The following NRIP1 variants were observed in gnomAD, a reference collection of about 807,000 sequenced individuals.
NRIP1 encodes nuclear receptor-interacting protein 1.
NRIP1 carries 28 observed loss-of-function variants against 75.0 expected under a neutral mutation model. The ratio of observed to expected loss-of-function variants is 0.37; its 90% CI spans 0.28 to 0.51. The LOEUF (loss-of-function observed/expected upper bound fraction) is 0.51, where lower values mean the gene tolerates loss of function less well. Among genes scored for constraint, NRIP1 ranks in the 20% least tolerant of loss-of-function variants. NRIP1 has a pLI of 0.92. For synonymous variants in NRIP1, 526 were observed against 487.6 expected (o/e 1.08, Z -1.04); for missense variants, 1,435 against 1,343.7 (o/e 1.07, Z -1.06).
chr21:15,041,561 A>G (rs942722657), intron 2 of NRIP1, among the ~76,000 whole-genome samples: 1 of 152,170 alleles, frequency 6.6e-6, no homozygotes, highest in African/African-American at 2.4e-5. Context: ...ACTAATTCCT[A>G]TCTTGAATAT....
At chr21:15,022,114 C>T (rs2088391650) in intron 2 of NRIP1, among the ~76,000 whole-genome samples, 1 of 152,192 alleles carries the variant, frequency 6.6e-6, no homozygotes, top group South Asian at 2.1e-4. Flanking sequence ...CAGCACTATT[C>T]ACAACAGCCA....
chr21:15,034,443 A>C (rs1394199123), intron 2 of NRIP1, among the ~76,000 whole-genome samples: 1 of 152,200 alleles, frequency 6.6e-6, no homozygotes, highest in African/African-American at 2.4e-5. Flanking sequence ...TATGAAACGA[A>C]AAGCAAGTCC....
chr21:14,990,911 T>C (rs189820780), intron 3 of NRIP1, among the ~76,000 whole-genome samples: 6 of 152,134 alleles, frequency 3.9e-5, no homozygotes, highest in Admixed American at 6.5e-5. Flanking sequence ...ATTAGTGAAG[T>C]TGAGTGGGAA....
chr21:14,967,717 T>C lies in NRIP1; in HGVS notation c.476A>G (p.Glu159Gly). The change falls in exon 4 of 4, where the codon GAG becomes GGG. Residue 159 changes from glutamate (E) to glycine (G), a missense_variant. Physicochemically the swap from Glu to Gly is moderately conservative, Grantham distance 98. Coordinates refer to ENST00000318948, the MANE Select transcript of NRIP1 (RefSeq NM_003489.4). ...ATCATGACTGAGGGCATATCCTTGC[T>C]CCTTGAGGCTCTGCCTGATTTGTTG... ...LSQQIRQSLK[E>G]QGYALSHDSL... 4 of 1,614,164 alleles carry C rather than the reference T, an allele frequency of 2.5e-6. No homozygotes were observed. The highest frequency in any genetic ancestry group is 2.5e-6 in the Non-Finnish European group (3 of 1,180,030).
intron 3 of NRIP1, among the ~76,000 whole-genome samples, chr21:14,969,935 T>C (rs1047458722): frequency 2.0e-5 from 3 of 152,218 alleles, no homozygotes; most frequent in Non-Finnish European, 4.4e-5. Flanking sequence ...TTTAAGAAGC[T>C]TTGCCATAAT....
chr21:14,978,784 A>G (rs1488933216), intron 3 of NRIP1, among the ~76,000 whole-genome samples: 1 of 152,228 alleles, frequency 6.6e-6, no homozygotes, highest in African/African-American at 2.4e-5. Flanking sequence ...TCTTAAAAAC[A>G]TTTAATTTTT....
chr21:15,065,281 C>T (rs1300542935), upstream of NRIP1, among the ~76,000 whole-genome samples: 5 of 151,994 alleles, frequency 3.3e-5, no homozygotes, highest in African/African-American at 1.2e-4. Context: ...CTGCAAGACC[C>T]GGAGGCAGCG....
At position 14,996,582 on chromosome 21, in the gene NRIP1, A is replaced by G. The variant is rs76636858; in HGVS notation, c.-335+17762T>C. Among the ~76,000 whole-genome samples, 398 of 152,198 alleles carry G rather than the reference A, an allele frequency of 2.6e-3. 2 individuals carry two copies. Among genetic ancestry groups the G allele is most frequent in the African/African-American group, 9.0e-3 (373 of 41,526 alleles). ...TCACAGTTGTCTTAGGACTTCTCTC[A>G]TTCTGTCATTTTTTGTGCTTGCTTT... On this transcript the variant is annotated intron_variant, in intron 3 of 3. Coordinates refer to ENST00000318948, the MANE Select transcript of NRIP1 (RefSeq NM_003489.4).
Position 14,963,157 on chromosome 21 carries a change from C to A in NRIP1, c.*1559G>T, listed in dbSNP as rs1385033571. On this transcript the variant is annotated 3_prime_UTR_variant, in exon 4 of 4. Transcript: ENST00000318948. The stretch of plus-strand genomic sequence containing the variant: ...GTACAATTCTGTCACGTATATGTGC[C>A]CTTTGTACTTTTTATTTAGTCAATC... 1 of 152,210 alleles carries A rather than the reference C, an allele frequency of 6.6e-6. No homozygotes were observed. Among genetic ancestry groups the A allele is most frequent in the Non-Finnish European group, 1.5e-5 (1 of 67,926 alleles). The allele number at this position is 152,210 out of a possible 1,614,324, so 9.4% of individuals were successfully genotyped here.
At position 14,967,538 on chromosome 21, in the gene NRIP1, G is replaced by A. The variant is rs1240960771; in HGVS notation, c.655C>T (p.Pro219Ser). Residue 219 changes from proline to serine, a missense_variant, in exon 4 of 4, where the codon CCT (proline) becomes TCT (serine). Coordinates refer to ENST00000318948, the MANE Select transcript of NRIP1 (RefSeq NM_003489.4). ...GTTCCACTTTGTCCAACATGATGAG[G>A]AGACTCTGCAAACCTATCTCTGATG... ...NLIRDRFAES[P>S]HHVGQSGTKV... 1.2e-6 allele frequency: 2 copies of A among 1,613,956 alleles called. No homozygotes were observed. Among genetic ancestry groups the A allele is most frequent in the African/African-American group, 2.7e-5 (2 of 74,892 alleles).
intron 3 of NRIP1, among the ~76,000 whole-genome samples, chr21:15,004,441 C>T (rs1262385401): frequency 1.3e-5 from 2 of 152,222 alleles, no homozygotes; most frequent in African/African-American, 4.8e-5. Flanking sequence ...AAATTACTCT[C>T]TTAGATTGTT....
At chr21:15,014,198 A>G (rs2088173587) in intron 3 of NRIP1, 146 bp downstream of exon 3, 1 of 356,778 alleles carries the variant, frequency 2.8e-6, no homozygotes, top group East Asian at 4.1e-5. Context: ...TTTAAACCAC[A>G]TTGCCTGATG....
Position 14,966,035 on chromosome 21 carries a change from G to A in NRIP1, c.2158C>T (p.Pro720Ser), listed in dbSNP as rs771415104. Residue 720 changes from proline (P) to serine (S), a missense_variant, in exon 4 of 4, where the codon CCC becomes TCC. Physicochemically the swap from Pro to Ser is moderately conservative, Grantham distance 74. Coordinates refer to ENST00000318948, the MANE Select transcript of NRIP1 (RefSeq NM_003489.4). ...TTTTTTTCACTCTTCCCTTTGTTGG[G>A]GTTCCCCAGGAGCAACTGGAGGACA... Reference protein sequence around the residue: ...RTVLQLLLGNPNKGKSEKKEK... With the variant: ...RTVLQLLLGNSNKGKSEKKEK... 5 of 1,611,522 alleles carry A rather than the reference G, an allele frequency of 3.1e-6. No homozygotes were observed. Among genetic ancestry groups the A allele is most frequent in the South Asian group, 2.2e-5 (2 of 90,640 alleles).
chr21:14,991,465 T>G (rs1037611313), intron 3 of NRIP1, among the ~76,000 whole-genome samples: 3 of 152,042 alleles, frequency 2.0e-5, no homozygotes, highest in African/African-American at 7.2e-5. Context: ...TAAAGGCCTT[T>G]TTGAGAATGT....
At chr21:15,004,270 C>T (rs555581656) in intron 3 of NRIP1, among the ~76,000 whole-genome samples, 87 of 152,284 alleles carry the variant, frequency 5.7e-4, no homozygotes, top group African/African-American at 1.9e-3. Flanking sequence ...CCTGATTCTA[C>T]TTCAGTCAAA....
intron 2 of NRIP1, among the ~76,000 whole-genome samples, chr21:15,037,522 C>T (rs773797009): frequency 9.9e-5 from 15 of 152,048 alleles, no homozygotes; most frequent in East Asian, 1.9e-4. Context: ...ATGAATGAAA[C>T]GCTATGAAAA....
chr21:14,965,386 A>C lies in NRIP1; in HGVS notation c.2807T>G (p.Leu936Arg). ...GTTTTCTGAGAGAAGCAGCTGTTTC[A>C]GAACATTAAAGCTTTTGCTCTCTCT... The part of the protein sequence containing the change: ...WARESKSFNV[L>R]KQLLLSENCV... The change falls in exon 4 of 4, where the codon CTG becomes CGG. Residue 936 changes from leucine to arginine, a missense_variant. By Grantham distance (102) the Leu-to-Arg change is moderately radical. Transcript: ENST00000318948. 1 of 1,614,078 alleles carries C rather than the reference A, an allele frequency of 6.2e-7. No individual in the cohort carries two copies. The highest frequency in any genetic ancestry group is 8.5e-7 in the Non-Finnish European group (1 of 1,179,958).
At chr21:15,056,523 C>T (rs2089311957) in intron 1 of NRIP1, among the ~76,000 whole-genome samples, 1 of 151,958 alleles carries the variant, frequency 6.6e-6, no homozygotes, top group African/African-American at 2.4e-5. Context: ...TTTTAAAAAG[C>T]ATGGATCAGT....
At chr21:15,034,576 T>C (rs950382564) in intron 2 of NRIP1, among the ~76,000 whole-genome samples, 3 of 152,200 alleles carry the variant, frequency 2.0e-5, no homozygotes, top group Non-Finnish European at 4.4e-5. Flanking sequence ...AAACTGTTTT[T>C]CCTAACCCAG....
Sources: allele counts gnomAD v4.1 joint callset (sites outside exome capture counted in the v4.1 genomes callset), GRCh38; gene constraint gnomAD v4.1.1; transcripts MANE v1.5; gene names NCBI Gene and HGNC (gene_info 2026-07-23, HGNC 2026-07-21).